ARHGAP6: variants seen among roughly 807,000 people sequenced by gnomAD.
ARHGAP6 encodes the protein rho GTPase-activating protein 6.
Under a neutral mutation model 55.7 loss-of-function variants are expected in ARHGAP6, and 16 were observed. That is an observed-to-expected ratio of 0.29 (90% CI 0.19 to 0.44). The LOEUF is 0.44. Among genes scored for constraint, ARHGAP6 ranks in the 20% least tolerant of loss-of-function variants. The pLI, the probability that ARHGAP6 is intolerant of heterozygous loss-of-function variation, is 1.00. For synonymous variants in ARHGAP6, 382 were observed against 360.9 expected, an observed-to-expected ratio of 1.06 and a Z score of -0.66; for missense variants, 698 against 808.9, an observed-to-expected ratio of 0.86 and a Z score of 1.66.
chrX:11,621,190 A>G (rs999351808), intron 1 of ARHGAP6, among the ~76,000 whole-genome samples: 5 of 112,307 alleles, frequency 4.5e-5, no homozygotes, highest in Admixed American at 9.4e-5. Flanking sequence ...AGCAAGAGAC[A>G]GAAGAACACA....
intron 1 of ARHGAP6, among the ~76,000 whole-genome samples, chrX:11,523,099 T>C (rs1380578692): frequency 8.9e-6 from 1 of 111,848 alleles, no homozygotes; most frequent in Non-Finnish European, 1.9e-5. Context: ...TCAATAAATA[T>C]AATCCAGCAT....
At chrX:11,339,203 T>G (rs897035873) in intron 1 of ARHGAP6, among the ~76,000 whole-genome samples, 11 of 112,514 alleles carry the variant, frequency 9.8e-5, no homozygotes, top group African/African-American at 3.6e-4. Flanking sequence ...GTGCTTGAGA[T>G]GTTCCTGGGA....
At chrX:11,606,636 G>A (rs1025835620) in intron 1 of ARHGAP6, among the ~76,000 whole-genome samples, 2 of 111,585 alleles carry the variant, frequency 1.8e-5, no homozygotes, top group South Asian at 7.7e-4. Context: ...ACACATAGGG[G>A]AAAGCACAGT....
intron 1 of ARHGAP6, among the ~76,000 whole-genome samples, chrX:11,621,476 A>G (rs1328815064): frequency 1.2e-5 from 1 of 86,562 alleles, no homozygotes; most frequent in Non-Finnish European, 2.7e-5. Context: ...TAAGATTTGA[A>G]AAAAAATGGT....
chrX:11,177,283 T>A (rs2046240048), intron 8 of ARHGAP6, among the ~76,000 whole-genome samples: 1 of 103,864 alleles, frequency 9.6e-6, no homozygotes, highest in African/African-American at 3.6e-5. Context: ...GCATCTCATT[T>A]GTCCAAGGGT....
intron 1 of ARHGAP6, among the ~76,000 whole-genome samples, chrX:11,272,409 A>C (rs1368827122): frequency 9.0e-6 from 1 of 110,626 alleles, no homozygotes; most frequent in Non-Finnish European, 1.9e-5. Flanking sequence ...AATTCCTTGA[A>C]CTTTTTCCAG....
At chrX:11,164,778 AG>A (rs2045996056) in intron 9 of ARHGAP6, among the ~76,000 whole-genome samples, 1 of 112,311 alleles carries the variant, frequency 8.9e-6, no homozygotes, top group Non-Finnish European at 1.9e-5. Context: ...AAGAAGTCCT[AG>A]TAAGAATCGT....
In ARHGAP6 at chrX:11,178,223, G is replaced by A. The variant is rs1365137041; in HGVS notation, c.1506C>T (p.Gly502=). The change falls in exon 8 of 13, where the codon GGC becomes GGT. Residue 502 remains glycine, a synonymous_variant. Transcript: ENST00000337414. ...TLLLEPEEQL[G]TLQLLIYLLP... ...GAAGGTATATGAGGAGCTGCAAGGT[G>A]CCCAGCTGTTCCTCCGGCTCCAACA... is the stretch of plus-strand genomic sequence containing the variant. The A allele has an allele frequency of 8.3e-7, 1 of 1,209,059 alleles. No individual in the cohort carries two copies. Among genetic ancestry groups the A allele is most frequent in the South Asian group, 1.8e-5 (1 of 56,370 alleles).
chrX:11,157,744 C>A (rs895409739), intron 9 of ARHGAP6, among the ~76,000 whole-genome samples: 5 of 112,394 alleles, frequency 4.4e-5, no homozygotes, highest in Non-Finnish European at 9.4e-5. Flanking sequence ...TTGCCTCTTG[C>A]AGAACTCTAC....
At chrX:11,518,609 G>A (rs1194548499) in intron 1 of ARHGAP6, among the ~76,000 whole-genome samples, 3 of 106,349 alleles carry the variant, frequency 2.8e-5, no homozygotes, top group Non-Finnish European at 5.8e-5. Context: ...TCTTCCTCAA[G>A]GCCTCCCTTG....
intron 1 of ARHGAP6, among the ~76,000 whole-genome samples, chrX:11,403,251 A>G (rs745814510): frequency 1.8e-5 from 2 of 111,299 alleles, no homozygotes; most frequent in African/African-American, 6.5e-5. Flanking sequence ...GAGATAGTTG[A>G]TGTGAAAACT....
intron 1 of ARHGAP6, among the ~76,000 whole-genome samples, chrX:11,638,955 A>G (rs976660151): frequency 6.6e-4 from 74 of 111,524 alleles, no homozygotes; most frequent in African/African-American, 2.1e-3. Context: ...TAAATGGGAA[A>G]GTTTATAATT....
chrX:11,201,543 A>T (rs779827090), intron 2 of ARHGAP6, among the ~76,000 whole-genome samples: 2 of 109,251 alleles, frequency 1.8e-5, no homozygotes, highest in East Asian at 5.6e-4. Flanking sequence ...GGTCCTCTGT[A>T]TTACTCCATT....
At chrX:11,142,389 C>T in intron 11 of ARHGAP6, 76 bp from the exon 12 acceptor site, 1 of 681,366 alleles carries the variant, frequency 1.5e-6, no homozygotes, top group South Asian at 2.7e-5. Flanking sequence ...AATAACATCT[C>T]TTCTGTGCAA....
chrX:11,360,442 G>A (rs1177617586), intron 1 of ARHGAP6, among the ~76,000 whole-genome samples: 1 of 109,352 alleles, frequency 9.1e-6, no homozygotes, highest in Non-Finnish European at 1.9e-5. Flanking sequence ...AAAGGCCTTT[G>A]ACAAAATTCA....
chrX:11,187,320 C>T (rs2046398213), intron 4 of ARHGAP6, among the ~76,000 whole-genome samples: 1 of 111,120 alleles, frequency 9.0e-6, no homozygotes, highest in African/African-American at 3.3e-5. Context: ...GAGCAGGGCA[C>T]CAGTCGCATT....
In ARHGAP6 at chrX:11,138,805, C is replaced by A; in HGVS notation, c.*58G>T. The A allele has an allele frequency of 2.7e-6, 3 of 1,104,402 alleles. No individual in the cohort carries two copies. Among genetic ancestry groups the A allele is most frequent in the Non-Finnish European group, 3.6e-6 (3 of 834,572 alleles). 91.0% of individuals were successfully genotyped at this position (1,104,402 alleles called of 1,213,427 possible). ...TGTGCCAGTGGCCACCACCCACGGTCCCCCCTGGGCTGGAGGGCGGGGGGC... is the reference window on the plus strand; with the variant it reads ...TGTGCCAGTGGCCACCACCCACGGTACCCCCTGGGCTGGAGGGCGGGGGGC... On this transcript the variant is annotated 3_prime_UTR_variant, in exon 13 of 13. Coordinates refer to ENST00000337414, the MANE Select transcript of ARHGAP6 (RefSeq NM_013427.3).
chrX:11,490,087 A>T (rs1603229892), intron 1 of ARHGAP6, among the ~76,000 whole-genome samples: 1 of 111,473 alleles, frequency 9.0e-6, no homozygotes. Context: ...CCTCCAGTGA[A>T]TCACACCCTT....
chrX:11,179,434 G>A lies in ARHGAP6; in HGVS notation c.1348C>T (p.Arg450Cys), dbSNP rs899747979. ...TCCTCCAGAGAGACATCAATCCCAC[G>A]GTCAAATTCCTCACGTAACTGGAAG... is the stretch of plus-strand genomic sequence containing the variant. ...RVRQLREEFD[R>C]GIDVSLEEEH... The change falls in exon 7 of 13, where the codon CGT becomes TGT. Residue 450 changes from arginine to cysteine, a missense_variant. Physicochemically the swap from Arg to Cys is radical, Grantham distance 180 (BLOSUM62 -3). This residue lies in a region of ARHGAP6 where 322 missense variants were observed against 451.1 expected (regional missense o/e 0.71). Coordinates refer to ENST00000337414, the MANE Select transcript of ARHGAP6 (RefSeq NM_013427.3). 4.1e-6 allele frequency: 5 copies of A among 1,208,282 alleles called. No homozygotes were observed. Among genetic ancestry groups the A allele is most frequent in the Non-Finnish European group, 4.5e-6 (4 of 894,240 alleles).
Sources: allele counts gnomAD v4.1 joint callset (sites outside exome capture counted in the v4.1 genomes callset), GRCh38; gene constraint gnomAD v4.1.1; regional missense constraint gnomAD v4.1.1; transcripts MANE v1.5; gene names NCBI Gene and HGNC (gene_info 2026-07-23, HGNC 2026-07-21).